VTI1A: variants seen among roughly 807,000 people sequenced by gnomAD.
The protein encoded by VTI1A is vesicle transport through interaction with t-SNAREs homolog 1A.
VTI1A carries 22 observed loss-of-function variants against 34.9 expected under a neutral mutation model. The ratio of observed to expected loss-of-function variants is 0.63; its 90% confidence interval spans 0.45 to 0.90. The LOEUF (loss-of-function observed/expected upper bound fraction) is 0.90, where lower values mean the gene tolerates loss of function less well. Among genes scored for constraint, VTI1A ranks in the 40% least tolerant of loss-of-function variants. The probability of loss-of-function intolerance (pLI) is 0.00; values close to 1 mark genes in which losing one functional copy is unlikely to be tolerated. For synonymous variants in VTI1A, 87 were observed against 97.3 expected (o/e 0.89, Z 0.62); for missense variants, 268 against 275.6 (o/e 0.97, Z 0.20).
chr10:112,452,700 T>A (rs920932375), intron 1 of VTI1A, among the ~76,000 whole-genome samples: 3 of 151,996 alleles, frequency 2.0e-5, no homozygotes, highest in Non-Finnish European at 4.4e-5. Context: ...ATTGGTCAAT[T>A]TAGTCAACCT....
intron 5 of VTI1A, among the ~76,000 whole-genome samples, chr10:112,582,761 C>A (rs1418752882): frequency 6.6e-6 from 1 of 152,014 alleles, no homozygotes; most frequent in South Asian, 2.1e-4. Context: ...TTAACTTAAA[C>A]GTGTTTTTAG....
intron 7 of VTI1A, among the ~76,000 whole-genome samples, chr10:112,697,528 C>G (rs1848838808): frequency 6.6e-6 from 1 of 151,644 alleles, no homozygotes; most frequent in Non-Finnish European, 1.5e-5. Flanking sequence ...TCCTGAGTAG[C>G]TGGGATTACA....
the VTI1A span, among the ~76,000 whole-genome samples, chr10:112,846,765 C>CAAAAAAA: frequency 1.3e-4 from 8 of 60,612 alleles, no homozygotes; most frequent in South Asian, 5.2e-4. Context: ...GACTCCGTCT[C>CAAAAAAA]AAAAAAAAAA....
chr10:112,506,197 A>G (rs1439860600), intron 3 of VTI1A, among the ~76,000 whole-genome samples: 2 of 152,174 alleles, frequency 1.3e-5, no homozygotes, highest in Admixed American at 1.3e-4. Context: ...ACTGTAGGCA[A>G]TTGTAACACA....
At chr10:112,669,449 G>A (rs1590049594) in intron 7 of VTI1A, among the ~76,000 whole-genome samples, 1 of 152,068 alleles carries the variant, frequency 6.6e-6, no homozygotes, top group African/African-American at 2.4e-5. Flanking sequence ...TCCGTTTTAT[G>A]TATATACTTA....
chr10:112,573,111 G>T (rs1344056195), intron 5 of VTI1A, among the ~76,000 whole-genome samples: 1 of 152,028 alleles, frequency 6.6e-6, no homozygotes, highest in Non-Finnish European at 1.5e-5. Context: ...TCATAATGTA[G>T]CAAATTTTGA....
intron 5 of VTI1A, among the ~76,000 whole-genome samples, chr10:112,565,637 C>G (rs2134345380): frequency 6.6e-6 from 1 of 152,262 alleles, no homozygotes; most frequent in African/African-American, 2.4e-5. Context: ...TTATACTTTT[C>G]TACACATAGG....
At chr10:112,518,585 C>A (rs369278985) in intron 3 of VTI1A, among the ~76,000 whole-genome samples, 14,842 of 86,974 alleles carry the variant, frequency 0.17, 899 homozygotes, top group African/African-American at 0.27. Flanking sequence ...CTCTCTCTCT[C>A]TCTCTATATA....
intron 5 of VTI1A, among the ~76,000 whole-genome samples, chr10:112,638,156 G>A (rs950897123): frequency 2.6e-5 from 4 of 152,222 alleles, no homozygotes; most frequent in Non-Finnish European, 4.4e-5. Flanking sequence ...AGTGTATTAT[G>A]CTGTTTACCT....
At chr10:112,501,905 C>G (rs1223107831) in intron 3 of VTI1A, among the ~76,000 whole-genome samples, 12 of 151,826 alleles carry the variant, frequency 7.9e-5, no homozygotes, top group Admixed American at 7.9e-4. Flanking sequence ...GATCTCAGGC[C>G]CTCGAGTTTC....
intron 5 of VTI1A, among the ~76,000 whole-genome samples, chr10:112,582,982 A>T (rs1208911558): frequency 2.6e-5 from 4 of 152,120 alleles, no homozygotes; most frequent in Non-Finnish European, 4.4e-5. Context: ...GAAGGGAGGC[A>T]CGTTTGCTGA....
intron 5 of VTI1A, among the ~76,000 whole-genome samples, chr10:112,543,185 A>G (rs1412872602): frequency 6.6e-6 from 1 of 152,242 alleles, no homozygotes; most frequent in Non-Finnish European, 1.5e-5. Context: ...TCCTTTGGGT[A>G]TATACCCAGT....
At chr10:112,831,221 C>T in the VTI1A span, 1 of 152,108 alleles carries the variant, frequency 6.6e-6, no homozygotes, top group Non-Finnish European at 1.5e-5. Flanking sequence ...TTTCAGACAA[C>T]CTGCTCAGCC....
chr10:112,462,318 C>T (rs1006406018), intron 2 of VTI1A, among the ~76,000 whole-genome samples: 3 of 152,224 alleles, frequency 2.0e-5, no homozygotes, highest in Admixed American at 6.5e-5. Context: ...GTTGTGACAA[C>T]ATGGAACAAG....
intron 5 of VTI1A, among the ~76,000 whole-genome samples, chr10:112,614,811 A>T (rs1188079608): frequency 1.3e-5 from 2 of 152,228 alleles, no homozygotes; most frequent in African/African-American, 4.8e-5. Context: ...AAATTACAAC[A>T]CTGAAAATCT....
At chr10:112,452,481 T>C (rs10885350) in intron 1 of VTI1A, among the ~76,000 whole-genome samples, 27,857 of 151,118 alleles carry the variant, frequency 0.18, 2,829 homozygotes, top group African/African-American at 0.27. Context: ...GGCAGGAGAA[T>C]TACTTGAACC....
intron 3 of VTI1A, among the ~76,000 whole-genome samples, chr10:112,466,562 GA>G (rs1847899860): frequency 6.6e-6 from 1 of 152,124 alleles, no homozygotes. Flanking sequence ...AATATAGTGA[GA>G]AAATTGGATT....
chr10:112,684,459 G>C (rs1477921122), intron 7 of VTI1A, among the ~76,000 whole-genome samples: 1 of 112,354 alleles, frequency 8.9e-6, no homozygotes, highest in East Asian at 2.7e-4. Context: ...TTTTTTTTGA[G>C]ACAGAGTCTC....
intron 7 of VTI1A, among the ~76,000 whole-genome samples, chr10:112,765,088 G>A (rs1235549301): frequency 1.3e-5 from 2 of 152,196 alleles, no homozygotes; most frequent in African/African-American, 2.4e-5. Context: ...AGAAGTGAAA[G>A]GGAAATGACA....
Sources: allele counts gnomAD v4.1 joint callset (sites outside exome capture counted in the v4.1 genomes callset), GRCh38; gene constraint gnomAD v4.1.1; transcripts MANE v1.5; gene names NCBI Gene and HGNC (gene_info 2026-07-23, HGNC 2026-07-21).